The following FNDC3A variants were observed in gnomAD, a reference collection of about 807,000 sequenced individuals.
FNDC3A encodes the protein fibronectin type III domain containing 3A, also known as fibronectin type-III domain-containing protein 3A.
Under a neutral mutation model 148.9 loss-of-function variants are expected in FNDC3A, and 32 were observed. The ratio of observed to expected loss-of-function variants is 0.21; its 90% CI spans 0.16 to 0.29. The LOEUF is 0.29. FNDC3A is among the 10% of genes least tolerant of loss of function. The pLI is 1.00. For missense variants in FNDC3A, 1,191 were observed against 1,452.8 expected, an observed-to-expected ratio of 0.82 and a Z score of 2.93; for synonymous variants, 472 against 473.6, an observed-to-expected ratio of 1.00 and a Z score of 0.04.
intron 4 of FNDC3A, among the ~76,000 whole-genome samples, chr13:49,125,615 G>C (rs1486223465): frequency 6.6e-6 from 1 of 152,076 alleles, no homozygotes; most frequent in Non-Finnish European, 1.5e-5. Flanking sequence ...AGAAAGAAAT[G>C]TAGCATTCTG....
intron 3 of FNDC3A, among the ~76,000 whole-genome samples, chr13:49,099,317 A>G (rs923871166): frequency 4.6e-5 from 7 of 152,148 alleles, no homozygotes; most frequent in Non-Finnish European, 4.4e-5. Context: ...AAAATAAATC[A>G]TTCTCTCTTC....
chr13:49,173,077 C>T (rs1412201773), intron 11 of FNDC3A, among the ~76,000 whole-genome samples: 1 of 152,214 alleles, frequency 6.6e-6, no homozygotes, highest in Admixed American at 6.5e-5. Context: ...TTATGTTGGG[C>T]CACATTCAAA....
At chr13:49,135,146 C>T (rs1423611488) in intron 5 of FNDC3A, among the ~76,000 whole-genome samples, 1 of 151,976 alleles carries the variant, frequency 6.6e-6, no homozygotes, top group Non-Finnish European at 1.5e-5. Context: ...TGAGCCACTG[C>T]GCCCAGCCCC....
At chr13:49,123,980 C>G (rs1182910173) in intron 4 of FNDC3A, among the ~76,000 whole-genome samples, 1 of 152,186 alleles carries the variant, frequency 6.6e-6, no homozygotes, top group African/African-American at 2.4e-5. Flanking sequence ...TTTGACCCAG[C>G]AATCCCATTA....
At chr13:49,118,727 C>T (rs530193796) in intron 4 of FNDC3A, among the ~76,000 whole-genome samples, 1 of 152,176 alleles carries the variant, frequency 6.6e-6, no homozygotes, top group Non-Finnish European at 1.5e-5. Context: ...GCAGTGTAAA[C>T]AAAGCCACCA....
rs146609923 is a variant in FNDC3A at position 49,104,656 on chromosome 13, AAG to A, written c.176-9997_176-9996del. Among the ~76,000 whole-genome samples, 156 of 152,350 alleles carry A rather than the reference AAG, an allele frequency of 1.0e-3. 1 individual carries two copies. The highest frequency in any genetic ancestry group is 3.5e-3 in the African/African-American group (145 of 41,586). On this transcript the variant is annotated intron_variant, in intron 3 of 25. Transcript: ENST00000492622. ...CTCTTATTAAAAAAAGATCTTCTGT[AAG>A]AATTTTAATTGCATTATTGTGCCCA...
At chr13:49,142,163 A>T (rs1367470407) in intron 7 of FNDC3A, among the ~76,000 whole-genome samples, 1 of 152,218 alleles carries the variant, frequency 6.6e-6, no homozygotes, top group African/African-American at 2.4e-5. Flanking sequence ...TAATCTGTTC[A>T]TGTAGAACTG....
At chr13:49,027,976 G>A (rs955721785) in intron 2 of FNDC3A, among the ~76,000 whole-genome samples, 2 of 152,036 alleles carry the variant, frequency 1.3e-5, no homozygotes, top group African/African-American at 4.8e-5. Flanking sequence ...ACTTTGGAAG[G>A]CCAAGATTGG....
At chr13:49,106,654 C>T (rs969279156) in intron 3 of FNDC3A, among the ~76,000 whole-genome samples, 10 of 151,516 alleles carry the variant, frequency 6.6e-5, no homozygotes, top group Non-Finnish European at 7.4e-5. Context: ...AAATATACTT[C>T]GTGATTTACT....
intron 3 of FNDC3A, among the ~76,000 whole-genome samples, chr13:49,080,746 G>T (rs965681523): frequency 2.0e-5 from 3 of 152,112 alleles, no homozygotes. Context: ...AATTAGGCAA[G>T]GTTTCTAAAT....
At chr13:49,034,119 T>C (rs1874326907) in intron 2 of FNDC3A, among the ~76,000 whole-genome samples, 1 of 152,028 alleles carries the variant, frequency 6.6e-6, no homozygotes. Flanking sequence ...AATGCTGTTT[T>C]TCTAGTATAT....
At chr13:49,109,340 T>G (rs1172493784) in intron 3 of FNDC3A, among the ~76,000 whole-genome samples, 1 of 152,226 alleles carries the variant, frequency 6.6e-6, no homozygotes, top group Non-Finnish European at 1.5e-5. Context: ...GTCACTGAAA[T>G]AAGCTAAGAC....
At chr13:49,141,995 C>A (rs991027624) in intron 7 of FNDC3A, among the ~76,000 whole-genome samples, 14 of 152,104 alleles carry the variant, frequency 9.2e-5, no homozygotes, top group African/African-American at 3.4e-4. Context: ...TGAATATGCT[C>A]CTTTCACAAA....
chr13:49,038,692 T>C (rs1400589987), intron 2 of FNDC3A, among the ~76,000 whole-genome samples: 2 of 152,232 alleles, frequency 1.3e-5, no homozygotes, highest in Admixed American at 1.3e-4. Flanking sequence ...ATTTTCTTAC[T>C]GTATCTACTA....
intron 2 of FNDC3A, among the ~76,000 whole-genome samples, chr13:49,032,693 G>C (rs1057391285): frequency 6.6e-6 from 1 of 151,798 alleles, no homozygotes; most frequent in Admixed American, 6.6e-5. Context: ...CCGAGACCGC[G>C]CCACTGCACT....
intron 4 of FNDC3A, among the ~76,000 whole-genome samples, chr13:49,122,321 A>G (rs1162496529): frequency 6.6e-6 from 1 of 152,152 alleles, no homozygotes; most frequent in African/African-American, 2.4e-5. Context: ...AAAACTTTCA[A>G]TAAACTAGGT....
intron 20 of FNDC3A, 98 bp from the exon 21 acceptor site, chr13:49,197,627 A>ACTTTT (rs1007664678): frequency 1.1e-6 from 1 of 928,152 alleles, no homozygotes; most frequent in African/African-American, 1.7e-5. Context: ...ACTCAAAAGC[A>ACTTTT]ATCTAGTTTT....
intron 1 of FNDC3A, among the ~76,000 whole-genome samples, chr13:48,991,795 CAAT>C (rs1445209408): frequency 6.6e-6 from 1 of 152,246 alleles, no homozygotes; most frequent in Non-Finnish European, 1.5e-5. Flanking sequence ...GGTTATGTCT[CAAT>C]AAACCCACCT....
chr13:49,001,050 C>T (rs1396625786), intron 1 of FNDC3A, among the ~76,000 whole-genome samples: 1 of 151,896 alleles, frequency 6.6e-6, no homozygotes, highest in African/African-American at 2.4e-5. Flanking sequence ...TTATTTCTTC[C>T]TGTCCAGTTT....
Sources: gnomAD v4.1 joint callset for allele counts (sites outside exome capture counted in the v4.1 genomes callset) on GRCh38, gnomAD v4.1.1 for gene constraint, MANE v1.5 for transcripts, NCBI Gene and HGNC (gene_info 2026-07-23, HGNC 2026-07-21) for gene names.